TRPV1: variants seen among roughly 807,000 people sequenced by gnomAD.
TRPV1 encodes the protein transient receptor potential cation channel subfamily V member 1.
Under a neutral mutation model 82.3 loss-of-function variants are expected in TRPV1, and 82 were observed. The observed-to-expected ratio is 1.00, with a 90% confidence interval of 0.83 to 1.20. TRPV1 has a LOEUF of 1.20. Ranked by LOEUF, TRPV1 falls within the 50% of genes most tolerant of loss-of-function variation. The probability of loss-of-function intolerance (pLI) is 0.00; values close to 1 mark genes in which losing one functional copy is unlikely to be tolerated. For missense variants in TRPV1, 1,067 were observed against 1,096.8 expected (o/e 0.97, Z 0.38); for synonymous variants, 515 against 467.7 (o/e 1.10, Z -1.30).
Position 3,566,716 on chromosome 17 carries a change from G to A in TRPV1, c.*99C>T, listed in dbSNP as rs200422539. ...AACATGCTGGGCAGGCACAGACCAG[G>A]CCAGGCTGCTGACAGAGCACTGGTG... On this transcript the variant is annotated 3_prime_UTR_variant, in exon 17 of 17. Coordinates refer to ENST00000572705, the MANE Select transcript of TRPV1 (RefSeq NM_080704.4). 111 of 1,449,576 alleles carry A rather than the reference G, an allele frequency of 7.7e-5. No individual in the cohort carries two copies. The Middle Eastern group carries it at 1.5e-3, about 20-fold the overall frequency. The allele number at this position is 1,449,576 out of a possible 1,614,324, so 89.8% of individuals were successfully genotyped here. A position where few individuals can be genotyped will look rare whatever the true frequency, so the allele number is the denominator to read the frequency against.
At chr17:3,571,801 T>G (rs978176944) in intron 15 of TRPV1, among the ~76,000 whole-genome samples, 162 bp from the exon 16 acceptor site, 1 of 152,148 alleles carries the variant, frequency 6.6e-6, no homozygotes, top group African/African-American at 2.4e-5. Flanking sequence ...TCCTCAAAGA[T>G]GTGATCTCTG....
At chr17:3,581,956 C>CT (rs2075021453) in intron 10 of TRPV1, among the ~76,000 whole-genome samples, 1 of 146,650 alleles carries the variant, frequency 6.8e-6, no homozygotes, top group South Asian at 2.2e-4. Flanking sequence ...TTTGGGAGGC[C>CT]AAGGTGGGCG....
In TRPV1 at chr17:3,585,626, G is replaced by T; in HGVS notation, c.1383+142C>A. 2.9e-6 allele frequency: 3 copies of T among 1,037,182 alleles called. No individual in the cohort carries two copies. In the South Asian group the frequency reaches 4.8e-5, roughly 17 times the overall value. 64.2% of individuals were successfully genotyped at this position (1,037,182 alleles called of 1,614,324 possible). ...GGCGCAGGGATACGAGGTTCTCCAC[G>T]TTCTCCATCCATCGCTCCCGCAAGC... On this transcript the variant is annotated intron_variant, in intron 9 of 16. Transcript: ENST00000572705.
At chr17:3,588,006 T>C (rs893224120) in intron 8 of TRPV1, among the ~76,000 whole-genome samples, 182 bp downstream of exon 8, 1 of 152,186 alleles carries the variant, frequency 6.6e-6, no homozygotes, top group African/African-American at 2.4e-5. Flanking sequence ...TAATCACGTA[T>C]GGTTGCTATG....
chr17:3,605,025 TCA>T (rs1261048473), intron 2 of TRPV1, among the ~76,000 whole-genome samples: 3 of 152,172 alleles, frequency 2.0e-5, no homozygotes, highest in Non-Finnish European at 4.4e-5. Context: ...CACCAATTTG[TCA>T]CACTCTGGAC....
At chr17:3,572,349 C>G (rs1371313062) in intron 14 of TRPV1, 100 bp from the exon 15 acceptor site, 2 of 1,426,900 alleles carry the variant, frequency 1.4e-6, no homozygotes, top group South Asian at 2.6e-5. Flanking sequence ...CTCTCCCAGG[C>G]CTAGATGCCT....
At chr17:3,602,941 G>A (rs2075274383) in intron 2 of TRPV1, among the ~76,000 whole-genome samples, 1 of 152,104 alleles carries the variant, frequency 6.6e-6, no homozygotes, top group South Asian at 2.1e-4. Flanking sequence ...GGCCAACATG[G>A]AGAAACCCCG....
In TRPV1 at chr17:3,576,668, A is replaced by AAAAT; in HGVS notation, c.1780+457_1780+458insATTT. On this transcript the variant is annotated intron_variant, in intron 13 of 16. Coordinates refer to ENST00000572705, the MANE Select transcript of TRPV1 (RefSeq NM_080704.4). ...CTCTGTATGAGAAAAAAAAAAAAAA[A>AAAAT]ATATATATATATATATATATATGCA... is the stretch of plus-strand genomic sequence containing the variant. Among the ~76,000 whole-genome samples the AAAAT allele has an allele frequency of 8.7e-3, 334 of 38,410 alleles. 7 individuals carry two copies. The highest frequency in any genetic ancestry group is 0.024 in the African/African-American group (327 of 13,730). The allele number at this position is 38,410 out of a possible 152,430, so 25.2% of individuals were successfully genotyped here.
rs565947084 is a variant in TRPV1, at chr17:3,577,286, G to T, written c.1714-94C>A. The T allele has an allele frequency of 1.6e-4, 211 of 1,354,200 alleles. 1 individual carries two copies. Among genetic ancestry groups the T allele is most frequent in the Non-Finnish European group, 2.1e-4 (200 of 973,124 alleles). The allele number at this position is 1,354,200 out of a possible 1,614,324, so 83.9% of individuals were successfully genotyped here. On this transcript the variant is annotated intron_variant, in intron 12 of 16. Transcript: ENST00000572705. ...GCATCGGCCTGGGGATGCGTCTTGA[G>T]AACGTGCAGGGCGGTTTGCTTTGCT...
At chr17:3,581,999 G>C (rs1034440946) in intron 10 of TRPV1, among the ~76,000 whole-genome samples, 6 of 147,046 alleles carry the variant, frequency 4.1e-5, no homozygotes, top group East Asian at 2.0e-4. Context: ...GACCATCCTG[G>C]CTAACACGGT....
intron 15 of TRPV1, among the ~76,000 whole-genome samples, 198 bp downstream of exon 15, chr17:3,571,924 C>T (rs2074859019): frequency 6.6e-6 from 1 of 152,124 alleles, no homozygotes; most frequent in African/African-American, 2.4e-5. Flanking sequence ...GTGTCTGGGC[C>T]CCACCAGATG....
At chr17:3,584,399 T>G (rs2075057301) in intron 9 of TRPV1, among the ~76,000 whole-genome samples, 2 of 92,020 alleles carry the variant, frequency 2.2e-5, no homozygotes, top group Non-Finnish European at 3.9e-5. Context: ...AGAGACTCTG[T>G]CTCAAAAAAA....
chr17:3,597,672 C>CT (rs34662119), intron 2 of TRPV1, among the ~76,000 whole-genome samples: 30,616 of 117,946 alleles, frequency 0.26, 4,662 homozygotes, highest in African/African-American at 0.3. Flanking sequence ...GTGTCATTTC[C>CT]TTTTTTTTTT....
chr17:3,584,925 C>T (rs972969677), intron 9 of TRPV1, among the ~76,000 whole-genome samples: 3 of 152,140 alleles, frequency 2.0e-5, no homozygotes, highest in East Asian at 1.9e-4. Context: ...TGGCTCTTGG[C>T]AGAGGAAAAA....
At chr17:3,591,554 T>C (rs1401301306) in intron 3 of TRPV1, among the ~76,000 whole-genome samples, 3 of 152,146 alleles carry the variant, frequency 2.0e-5, no homozygotes, top group African/African-American at 7.2e-5. Context: ...CCCCATTCTG[T>C]CCCCACCCTG....
chr17:3,571,651 G>C lies in TRPV1; in HGVS notation c.2232-12C>G. On this transcript the variant is annotated splice_polypyrimidine_tract_variant and intron_variant, in intron 15 of 16. Coordinates refer to ENST00000572705, the MANE Select transcript of TRPV1 (RefSeq NM_080704.4). ...TCACCTCGTCCACCCTGCAGGGTAA[G>C]GGGTCGGGAGAGCCTGAGAGCTGTG... 6.3e-7 allele frequency: 1 copy of C among 1,592,738 alleles called. No individual in the cohort carries two copies. The highest frequency in any genetic ancestry group is 1.3e-5 in the African/African-American group (1 of 74,672).
At chr17:3,601,606 T>TA in intron 2 of TRPV1, among the ~76,000 whole-genome samples, 1 of 144,340 alleles carries the variant, frequency 6.9e-6, no homozygotes, top group African/African-American at 2.5e-5. Flanking sequence ...ATTTCTCACC[T>TA]TTTTTTTTTA....
chr17:3,592,494 C>A, intron 2 of TRPV1, 111 bp from the exon 3 acceptor site: 2 of 1,083,354 alleles, frequency 1.8e-6, no homozygotes, highest in African/African-American at 1.6e-5. Flanking sequence ...CCCAAAACTC[C>A]AACTTGCTGC....
rs1199332129 is a variant in TRPV1 at position 3,572,964 on chromosome 17, C to CA, written c.2103+668dup. Among the ~76,000 whole-genome samples the CA allele has an allele frequency of 1.6e-4, 18 of 109,386 alleles. No individual in the cohort carries two copies. The South Asian group carries it at 2.3e-3, about 14-fold the overall frequency. 71.8% of individuals were successfully genotyped at this position (109,386 alleles called of 152,430 possible). The stretch of plus-strand genomic sequence containing the variant: ...TGCCAATGCACTCCAGCCTGGGTGA[C>CA]AGAGTAAGACTCCATCTCAGAAAAA... On this transcript the variant is annotated intron_variant, in intron 14 of 16. Coordinates refer to ENST00000572705, the MANE Select transcript of TRPV1 (RefSeq NM_080704.4).
Sources: gnomAD v4.1 joint callset for allele counts (sites outside exome capture counted in the v4.1 genomes callset) on GRCh38, gnomAD v4.1.1 for gene constraint, MANE v1.5 for transcripts, NCBI Gene and HGNC (gene_info 2026-07-23, HGNC 2026-07-21) for gene names.